Variants in CYYR1 observed in about 807,000 individuals in gnomAD.
The protein encoded by CYYR1 is cysteine and tyrosine rich 1, also known as cysteine and tyrosine-rich protein 1.
A neutral mutation model predicts 15.2 loss-of-function variants in CYYR1; 14 were observed. The observed-to-expected ratio is 0.92, with a 90% CI of 0.61 to 1.44. The LOEUF (loss-of-function observed/expected upper bound fraction) is 1.44. Among genes scored for constraint, CYYR1 ranks in the 40% most tolerant of loss-of-function variants. The probability of loss-of-function intolerance (pLI) is 0.00; values close to 1 mark genes in which losing one functional copy is unlikely to be tolerated. For missense variants in CYYR1, 228 were observed against 209.5 expected (o/e 1.09, Z -0.54); for synonymous variants, 80 against 77.4 (o/e 1.03, Z -0.18).
intron 2 of CYYR1, among the ~76,000 whole-genome samples, chr21:26,563,084 A>C (rs976794790): frequency 6.6e-6 from 1 of 152,158 alleles, no homozygotes; most frequent in Non-Finnish European, 1.5e-5. Flanking sequence ...TCTGGATAAT[A>C]CTGATTCTCC....
chr21:26,475,437 G>A (rs781709972), intron 3 of CYYR1, among the ~76,000 whole-genome samples: 63 of 152,040 alleles, frequency 4.1e-4, no homozygotes, highest in Non-Finnish European at 5.1e-4. Context: ...CCCATCAAAG[G>A]CTAGCCCCTA....
chr21:26,548,700 T>C (rs1395963610), intron 2 of CYYR1, among the ~76,000 whole-genome samples: 1 of 152,310 alleles, frequency 6.6e-6, no homozygotes, highest in East Asian at 1.9e-4. Context: ...TTAAAGAATC[T>C]CCTAGTGAGG....
intron 2 of CYYR1, chr21:26,550,306 T>C (rs1295010669): frequency 1.3e-5 from 2 of 152,162 alleles, no homozygotes; most frequent in South Asian, 2.1e-4. Context: ...CCAATCTTTC[T>C]CTCTCCCCTC....
intron 2 of CYYR1, among the ~76,000 whole-genome samples, chr21:26,516,000 A>T (rs1036568732): frequency 3.7e-4 from 56 of 152,200 alleles, no homozygotes; most frequent in African/African-American, 1.3e-3. Context: ...ATGAAATGTA[A>T]GAAGTTGGCG....
At position 26,572,989 on chromosome 21, in the gene CYYR1, AG is replaced by A; in HGVS notation, c.-50del. 6.2e-7 allele frequency: 1 copy of A among 1,612,564 alleles called. No homozygotes were observed. Among genetic ancestry groups the A allele is most frequent in the Admixed American group, 1.7e-5 (1 of 59,844 alleles). The stretch of plus-strand genomic sequence containing the variant: ...GAGCGAAGGGAGAGCCCGGAACCGG[AG>A]GGAATGGGGAGGATGGAGGGCGATC... On this transcript the variant is annotated 5_prime_UTR_variant, in exon 1 of 4. Coordinates refer to ENST00000652641, the MANE Select transcript of CYYR1 (RefSeq NM_001320768.2).
At chr21:26,520,478 G>A (rs576611219) in intron 2 of CYYR1, among the ~76,000 whole-genome samples, 100 of 151,878 alleles carry the variant, frequency 6.6e-4, no homozygotes, top group Non-Finnish European at 6.9e-4. Context: ...CCAGCCTATC[G>A]TTGATGGGCA....
intron 2 of CYYR1, among the ~76,000 whole-genome samples, chr21:26,552,583 A>T (rs1163006083): frequency 6.6e-6 from 1 of 151,916 alleles, no homozygotes; most frequent in Non-Finnish European, 1.5e-5. Context: ...TTCAGTTATA[A>T]GAATATTTAT....
chr21:26,480,428 C>A lies in CYYR1; in HGVS notation c.178G>T (p.Gly60Cys). 1 of 1,607,004 alleles carries A rather than the reference C, an allele frequency of 6.2e-7. No homozygotes were observed. Among genetic ancestry groups the A allele is most frequent in the Non-Finnish European group, 8.5e-7 (1 of 1,177,458 alleles). The change falls in exon 3 of 4, where the codon GGC (glycine) becomes TGC (cysteine). Residue 60 changes from glycine (G) to cysteine (C), a missense_variant and splice_region_variant. Transcript: ENST00000652641. The stretch of plus-strand genomic sequence containing the variant: ...AAAACAATGCCCGCAATTGCAGTGC[C>A]CCTAAAAGGAAAAACAAGTAAGTTT... ...YYAYIGNILS[G>C]TAIAGIVFGI...
intron 2 of CYYR1, among the ~76,000 whole-genome samples, chr21:26,489,073 AG>A (rs1324151854): frequency 6.6e-6 from 1 of 152,164 alleles, no homozygotes. Context: ...AGGAACATAC[AG>A]GTACTCTGGG....
At chr21:26,470,692 G>T (rs868669019) in intron 3 of CYYR1, 1 of 152,208 alleles carries the variant, frequency 6.6e-6, no homozygotes, top group Non-Finnish European at 1.5e-5. Flanking sequence ...CCAGACTCGG[G>T]TATGTCTTTA....
At chr21:26,511,513 CA>C (rs1438182730) in intron 2 of CYYR1, among the ~76,000 whole-genome samples, 1 of 152,154 alleles carries the variant, frequency 6.6e-6, no homozygotes, top group African/African-American at 2.4e-5. Flanking sequence ...AGCATATCAA[CA>C]ATGAGATAAA....
intron 2 of CYYR1, among the ~76,000 whole-genome samples, chr21:26,494,197 C>A (rs1169907511): frequency 6.6e-6 from 1 of 151,924 alleles, no homozygotes; most frequent in Non-Finnish European, 1.5e-5. Context: ...AAAAGCAAAG[C>A]AGAAATGGAA....
At chr21:26,495,626 G>C (rs1397163236) in intron 2 of CYYR1, among the ~76,000 whole-genome samples, 2 of 152,190 alleles carry the variant, frequency 1.3e-5, no homozygotes, top group Admixed American at 6.5e-5. Flanking sequence ...GATCCTGGGA[G>C]GGCCAGCCCA....
intron 2 of CYYR1, among the ~76,000 whole-genome samples, chr21:26,539,346 C>G (rs1043841413): frequency 6.6e-6 from 1 of 152,012 alleles, no homozygotes. Context: ...AGTGGGGAGG[C>G]TTTTCCTATA....
At chr21:26,572,438 C>T (rs900036566) in intron 1 of CYYR1, among the ~76,000 whole-genome samples, 8 of 152,202 alleles carry the variant, frequency 5.3e-5, no homozygotes, top group African/African-American at 1.9e-4. Context: ...CAGTCTACCA[C>T]ACTTGTGAAT....
At position 26,467,945 on chromosome 21, in the gene CYYR1, A is replaced by T. The variant is rs115409952; in HGVS notation, c.*556T>A. 796 of 161,918 alleles carry T rather than the reference A, an allele frequency of 4.9e-3. 7 individuals carry two copies. The highest frequency in any genetic ancestry group is 0.018 in the African/African-American group (752 of 41,594). The allele number at this position is 161,918 out of a possible 1,614,324, so 10.0% of individuals were successfully genotyped here. ...AAGAGCTTCACAAAGCAATCTAGTC[A>T]TTGCTCTTTCTTGTACTAAAACCAG... On this transcript the variant is annotated 3_prime_UTR_variant, in exon 4 of 4. Transcript: ENST00000652641.
intron 2 of CYYR1, among the ~76,000 whole-genome samples, chr21:26,484,773 AAAT>A (rs1455343704): frequency 6.6e-6 from 1 of 152,106 alleles, no homozygotes; most frequent in African/African-American, 2.4e-5. Context: ...TTCTTTTCTT[AAAT>A]AGAGGAAAGT....
At chr21:26,570,091 G>A (rs1274411821) in intron 1 of CYYR1, among the ~76,000 whole-genome samples, 1 of 152,038 alleles carries the variant, frequency 6.6e-6, no homozygotes, top group African/African-American at 2.4e-5. Context: ...GCTTTCTCTG[G>A]GATATTTGAG....
chr21:26,497,150 G>A (rs369739144), intron 2 of CYYR1, among the ~76,000 whole-genome samples: 18 of 152,104 alleles, frequency 1.2e-4, no homozygotes, highest in African/African-American at 4.3e-4. Context: ...AGTAACTTTG[G>A]TCCTTAAAAC....
Sources: allele counts gnomAD v4.1 joint callset (sites outside exome capture counted in the v4.1 genomes callset), GRCh38; gene constraint gnomAD v4.1.1; transcripts MANE v1.5; gene names NCBI Gene and HGNC (gene_info 2026-07-23, HGNC 2026-07-21).